PXDNL: variants seen among roughly 807,000 people sequenced by gnomAD.
The protein encoded by PXDNL is peroxidasin like.
In PXDNL, 145 loss-of-function variants were observed where a neutral mutation model predicts 150.8. That is an observed-to-expected ratio of 0.96 (90% CI 0.84 to 1.10). The LOEUF (loss-of-function observed/expected upper bound fraction) is 1.10. Ranked by LOEUF, PXDNL falls within the 50% of genes least tolerant of loss-of-function variation. The pLI, the probability that PXDNL is intolerant of heterozygous loss-of-function variation, is 0.00. For synonymous variants in PXDNL, 757 were observed against 725.7 expected (o/e 1.04, Z -0.69); for missense variants, 2,087 against 1,873.9 (o/e 1.11, Z -2.10).
At chr8:51,712,600 A>C (rs1293604858) in intron 1 of PXDNL, among the ~76,000 whole-genome samples, 2 of 152,218 alleles carry the variant, frequency 1.3e-5, no homozygotes, top group African/African-American at 4.8e-5. Flanking sequence ...GACACTGATC[A>C]CATGTATCAA....
chr8:51,737,101 C>A (rs1817053531), intron 1 of PXDNL, among the ~76,000 whole-genome samples: 1 of 152,154 alleles, frequency 6.6e-6, no homozygotes, highest in Non-Finnish European at 1.5e-5. Context: ...TCAATATCCT[C>A]AAGATTCCAG....
chr8:51,342,158 T>C (rs1336405637), intron 20 of PXDNL, among the ~76,000 whole-genome samples: 5 of 151,812 alleles, frequency 3.3e-5, no homozygotes, highest in African/African-American at 4.8e-5. Flanking sequence ...AAAATAAAAT[T>C]AATAAAGTAA....
chr8:51,738,568 C>A (rs1181906066), intron 1 of PXDNL, among the ~76,000 whole-genome samples: 2 of 152,054 alleles, frequency 1.3e-5, no homozygotes, highest in Admixed American at 6.6e-5. Flanking sequence ...CACGCACACA[C>A]ACACACACAA....
intron 2 of PXDNL, among the ~76,000 whole-genome samples, chr8:51,622,732 C>T (rs1448868409): frequency 6.6e-6 from 1 of 152,200 alleles, no homozygotes; most frequent in Non-Finnish European, 1.5e-5. Flanking sequence ...GGCTCAGTTT[C>T]TTCTGCAAAG....
intron 2 of PXDNL, 88 bp from the exon 3 acceptor site, chr8:51,592,786 CA>C: frequency 1.2e-6 from 1 of 852,768 alleles, no homozygotes; most frequent in Non-Finnish European, 1.7e-6. Flanking sequence ...TAGTGCTTTA[CA>C]CAACAGAAAA....
intron 17 of PXDNL, among the ~76,000 whole-genome samples, chr8:51,407,578 G>A (rs528778829): frequency 2.2e-4 from 33 of 152,204 alleles, no homozygotes; most frequent in Admixed American, 5.9e-4. Context: ...ATACTTTACC[G>A]AAAGACATTA....
At chr8:51,446,757 T>C (rs982294117) in intron 12 of PXDNL, among the ~76,000 whole-genome samples, 2 of 152,176 alleles carry the variant, frequency 1.3e-5, no homozygotes, top group African/African-American at 4.8e-5. Flanking sequence ...AAAAATTTTG[T>C]AAGAAAACCT....
intron 7 of PXDNL, among the ~76,000 whole-genome samples, chr8:51,474,168 G>A (rs1436800037): frequency 6.6e-6 from 1 of 152,144 alleles, no homozygotes; most frequent in Non-Finnish European, 1.5e-5. Context: ...CAGCGAGGGA[G>A]TGGAAAGCAA....
chr8:51,373,877 A>G (rs940141749), intron 18 of PXDNL, among the ~76,000 whole-genome samples: 9 of 152,140 alleles, frequency 5.9e-5, no homozygotes, highest in African/African-American at 2.2e-4. Flanking sequence ...GCACATGTCC[A>G]CTCAGGAGAG....
In PXDNL at chr8:51,426,751, T is replaced by C. The variant is rs184738185; in HGVS notation, c.1533A>G (p.Ala511=). 3,146 of 1,581,312 alleles carry C rather than the reference T, an allele frequency of 2.0e-3. 9 individuals are homozygous for C. In the Middle Eastern group the frequency reaches 0.029, roughly 15 times the overall value. ...TATCCTGAGGAAGTTGAGTAAACAC[T>C]GCAAGAGCTGTGGAAACAAACCAAA... ...VQLTVKPKAL[A]VFTQLPQDTS... is the part of the protein sequence containing the mutation. The change falls in exon 13 of 23, where the codon GCA becomes GCG. Residue 511 remains alanine, a synonymous_variant. Transcript: ENST00000356297.
chr8:51,374,320 G>A (rs1807231130), intron 18 of PXDNL, among the ~76,000 whole-genome samples: 1 of 152,202 alleles, frequency 6.6e-6, no homozygotes, highest in African/African-American at 2.4e-5. Flanking sequence ...TCAGATTTAA[G>A]CACAACGTAG....
chr8:51,793,835 A>G (rs1054396539), intron 1 of PXDNL, among the ~76,000 whole-genome samples: 3 of 152,040 alleles, frequency 2.0e-5, no homozygotes, highest in Admixed American at 6.6e-5. Context: ...AGAGGCTGCA[A>G]TGAGCCAAGA....
At chr8:51,801,750 T>G (rs2037623329) in intron 1 of PXDNL, among the ~76,000 whole-genome samples, 1 of 152,216 alleles carries the variant, frequency 6.6e-6, no homozygotes, top group Admixed American at 6.5e-5. Context: ...AATCCACTTA[T>G]GTTCTAATTG....
intron 2 of PXDNL, among the ~76,000 whole-genome samples, chr8:51,603,684 T>C (rs1813777617): frequency 6.6e-6 from 1 of 152,140 alleles, no homozygotes; most frequent in Non-Finnish European, 1.5e-5. Context: ...TCCATAATTA[T>C]AATTTATTTC....
chr8:51,798,356 C>T (rs1163384015), intron 1 of PXDNL, among the ~76,000 whole-genome samples: 1 of 152,116 alleles, frequency 6.6e-6, no homozygotes. Context: ...AACTATAGAG[C>T]TTTTGCAAAG....
chr8:51,499,216 G>T (rs934919813), intron 5 of PXDNL, among the ~76,000 whole-genome samples: 4 of 152,104 alleles, frequency 2.6e-5, no homozygotes, highest in Non-Finnish European at 5.9e-5. Context: ...TGCAACCTAC[G>T]CCTCCCGGAC....
At chr8:51,352,470 G>A (rs781747256) in intron 19 of PXDNL, among the ~76,000 whole-genome samples, 4 of 152,136 alleles carry the variant, frequency 2.6e-5, no homozygotes, top group Non-Finnish European at 4.4e-5. Flanking sequence ...CCTGGTGGGA[G>A]GTGATTGGAC....
intron 1 of PXDNL, among the ~76,000 whole-genome samples, chr8:51,779,843 G>A (rs985220310): frequency 2.0e-5 from 3 of 152,294 alleles, no homozygotes; most frequent in African/African-American, 7.2e-5. Context: ...CAGGCTGTAA[G>A]GGGGCATCTC....
chr8:51,449,653 T>C (rs1187162923), intron 10 of PXDNL, among the ~76,000 whole-genome samples: 3 of 152,214 alleles, frequency 2.0e-5, no homozygotes, highest in Non-Finnish European at 4.4e-5. Context: ...TATTATTGCT[T>C]TTGTATAAAT....
Sources: allele counts gnomAD v4.1 joint callset (sites outside exome capture counted in the v4.1 genomes callset), GRCh38; gene constraint gnomAD v4.1.1; transcripts MANE v1.5; gene names NCBI Gene and HGNC (gene_info 2026-07-23, HGNC 2026-07-21).